Variants in PDE9A observed in about 807,000 individuals in gnomAD.
The protein encoded by PDE9A is phosphodiesterase 9A.
In PDE9A, 60 loss-of-function variants were observed where a neutral mutation model predicts 87.4. The ratio of observed to expected loss-of-function variants is 0.69; its 90% CI spans 0.56 to 0.85. PDE9A has a LOEUF of 0.85. PDE9A is among the 40% of genes least tolerant of loss of function. The pLI is 0.00. For missense variants in PDE9A, 665 were observed against 779.0 expected (o/e 0.85, Z 1.74); for synonymous variants, 272 against 279.4 (o/e 0.97, Z 0.27).
intron 8 of PDE9A, 116 bp downstream of exon 8, chr21:42,743,976 G>A (rs2053584081): frequency 1.5e-6 from 1 of 677,050 alleles, no homozygotes; most frequent in Non-Finnish European, 2.7e-6. Flanking sequence ...GTTCGGTACA[G>A]TTCAGGCTTG....
At chr21:42,731,442 A>C (rs972510908) in intron 4 of PDE9A, among the ~76,000 whole-genome samples, 1 of 152,216 alleles carries the variant, frequency 6.6e-6, no homozygotes, top group African/African-American at 2.4e-5. Context: ...TGACAAGGAC[A>C]GCGCTGTGAG....
intron 4 of PDE9A, among the ~76,000 whole-genome samples, chr21:42,711,461 C>T (rs1030298508): frequency 2.0e-5 from 3 of 151,918 alleles, no homozygotes; most frequent in Admixed American, 6.6e-5. Flanking sequence ...CCATGTTGGC[C>T]AGGCTGGTCT....
chr21:42,676,531 TGTAA>T (rs1231520160), intron 1 of PDE9A, among the ~76,000 whole-genome samples: 1 of 152,250 alleles, frequency 6.6e-6, no homozygotes, highest in Non-Finnish European at 1.5e-5. Context: ...TTACACAGTA[TGTAA>T]CCTCTTGAGA....
intron 1 of PDE9A, among the ~76,000 whole-genome samples, chr21:42,678,208 C>T (rs1274054560): frequency 2.0e-5 from 3 of 152,212 alleles, no homozygotes; most frequent in Non-Finnish European, 4.4e-5. Flanking sequence ...AGGGGTTTGG[C>T]GGGATCTCTG....
intron 8 of PDE9A, among the ~76,000 whole-genome samples, chr21:42,744,835 C>G (rs1351718997): frequency 6.6e-6 from 1 of 152,232 alleles, no homozygotes; most frequent in Non-Finnish European, 1.5e-5. Context: ...TGATGATGAG[C>G]AGAGCGCATG....
chr21:42,713,161 G>A (rs969930710), intron 4 of PDE9A, among the ~76,000 whole-genome samples: 5 of 152,102 alleles, frequency 3.3e-5, no homozygotes, highest in African/African-American at 1.2e-4. Flanking sequence ...TTTTGAGACA[G>A]TGTCGCTCTG....
chr21:42,740,901 T>G (rs929850399), intron 7 of PDE9A, among the ~76,000 whole-genome samples: 6 of 152,168 alleles, frequency 3.9e-5, no homozygotes, highest in African/African-American at 4.8e-5. Context: ...GCCCATAGGA[T>G]CCTAGACAAG....
intron 4 of PDE9A, among the ~76,000 whole-genome samples, chr21:42,718,049 C>T (rs567893569): frequency 6.6e-6 from 1 of 151,574 alleles, no homozygotes; most frequent in Admixed American, 6.6e-5. Context: ...GCTGGGATTG[C>T]AGGTGCCCGC....
At chr21:42,763,302 T>C (rs2056015064) in intron 14 of PDE9A, among the ~76,000 whole-genome samples, 1 of 152,228 alleles carries the variant, frequency 6.6e-6, no homozygotes, top group Non-Finnish European at 1.5e-5. Context: ...TTTGCATTTG[T>C]ACTTGTTAAG....
chr21:42,750,241 G>A (rs1333859751), intron 8 of PDE9A, among the ~76,000 whole-genome samples: 3 of 152,192 alleles, frequency 2.0e-5, no homozygotes, highest in Non-Finnish European at 4.4e-5. Context: ...CAGAAGGATC[G>A]TTTGAACCTA....
chr21:42,723,760 T>C lies in PDE9A; in HGVS notation c.263-8010T>C, dbSNP rs375433565. Among the ~76,000 whole-genome samples, 43 of 152,290 alleles carry C rather than the reference T, an allele frequency of 2.8e-4. No homozygotes were observed. The South Asian group carries it at 8.5e-3, about 30-fold the overall frequency. ...TGACTCCCCCTCCCTCGGGGGCTTA[T>C]TTGCAATCTCCCGATTTGCTCAAAA... On this transcript the variant is annotated intron_variant, in intron 4 of 19. Transcript: ENST00000291539. The surrounding 1 kb of genome is among the most constrained non-coding windows in gnomAD (Gnocchi z 4.3).
intron 9 of PDE9A, among the ~76,000 whole-genome samples, chr21:42,752,185 C>G (rs994296776): frequency 6.6e-6 from 1 of 152,206 alleles, no homozygotes; most frequent in Non-Finnish European, 1.5e-5. Context: ...TCCATGTAGG[C>G]CACTGGTGTC....
intron 4 of PDE9A, among the ~76,000 whole-genome samples, chr21:42,716,177 T>C (rs2049904056): frequency 6.6e-6 from 1 of 151,900 alleles, no homozygotes; most frequent in Admixed American, 6.6e-5. Flanking sequence ...CAGTTATGAA[T>C]AAAGCTGCCA....
rs1340663762 is a variant in PDE9A at position 42,769,659 on chromosome 21, C to CAA, written c.1590+505_1590+506insAA. On this transcript the variant is annotated intron_variant, in intron 17 of 19. Transcript: ENST00000291539. ...GCACACACAGGGACACACAGGCACA[C>CAA]ATAGGCACACAAATGCACACACAGG... is the stretch of plus-strand genomic sequence containing the variant. Among the ~76,000 whole-genome samples, 7 of 145,624 alleles carry CAA rather than the reference C, an allele frequency of 4.8e-5. No individual in the cohort carries two copies. In the East Asian group the frequency reaches 5.8e-4, roughly 12 times the overall value.
chr21:42,769,667 C>CACACTCGTGCACACGTACACAGGCAT (rs1569280379), intron 17 of PDE9A, among the ~76,000 whole-genome samples: 17 of 45,122 alleles, frequency 3.8e-4, no homozygotes, highest in African/African-American at 2.0e-3. Context: ...CACATAGGCA[C>CACACTCGTGCACACGTACACAGGCAT]ACAAATGCAC....
At chr21:42,703,521 C>A (rs187243053) in intron 4 of PDE9A, among the ~76,000 whole-genome samples, 39 of 152,296 alleles carry the variant, frequency 2.6e-4, no homozygotes, top group African/African-American at 8.9e-4. Context: ...CGAAGACAGG[C>A]GAGATGGCTG....
At chr21:42,716,076 A>G (rs1432566339) in intron 4 of PDE9A, among the ~76,000 whole-genome samples, 1 of 151,876 alleles carries the variant, frequency 6.6e-6, no homozygotes, top group African/African-American at 2.4e-5. Flanking sequence ...CCGGCATCTT[A>G]GCATTGAAGC....
chr21:42,697,230 A>G (rs887432162), intron 3 of PDE9A, among the ~76,000 whole-genome samples: 3 of 151,952 alleles, frequency 2.0e-5, no homozygotes, highest in African/African-American at 7.2e-5. Context: ...CCTACAGACA[A>G]AGGGCCCAAA....
intron 1 of PDE9A, among the ~76,000 whole-genome samples, chr21:42,662,473 CCA>C (rs145311820): frequency 0.057 from 8,692 of 151,292 alleles, 692 homozygotes; most frequent in African/African-American, 0.18. Flanking sequence ...CACACACCCA[CCA>C]CACACACACA....
Sources: gnomAD v4.1 joint callset for allele counts (sites outside exome capture counted in the v4.1 genomes callset) on GRCh38, gnomAD v4.1.1 for gene constraint, Gnocchi (gnomAD v3.1) non-coding constraint, MANE v1.5 for transcripts, NCBI Gene and HGNC (gene_info 2026-07-23, HGNC 2026-07-21) for gene names.